Variants in TLN1 observed in about 807,000 individuals in gnomAD.
TLN1 encodes the protein talin-1.
In TLN1, 56 loss-of-function variants were observed where a neutral mutation model predicts 292.3. That is an observed-to-expected ratio of 0.19 (90% CI 0.15 to 0.24). The LOEUF is 0.24. Ranked by LOEUF, TLN1 falls within the 10% of genes least tolerant of loss-of-function variation. The pLI is 1.00. For synonymous variants in TLN1, 1,119 were observed against 1,253.7 expected (o/e 0.89, Z 2.27); for missense variants, 2,433 against 3,248.2 (o/e 0.75, Z 6.10).
rs768710092 is a variant in TLN1 at position 35,706,232 on chromosome 9, C to G, written c.5325G>C (p.Leu1775Phe). The G allele has an allele frequency of 2.7e-5, 43 of 1,610,932 alleles. No homozygotes were observed. Among genetic ancestry groups the G allele is most frequent in the Non-Finnish European group, 3.6e-5 (43 of 1,178,340 alleles). Reference protein sequence around the residue: ...TKTLAESALQLLYTAKEAGGN... With the variant: ...TKTLAESALQFLYTAKEAGGN... ...CACCAGCCTCCTTGGCAGTGTATAGCAACTGCAGGGCAGACTCTGCCAATG... is the reference window on the plus strand; with the variant it reads ...CACCAGCCTCCTTGGCAGTGTATAGGAACTGCAGGGCAGACTCTGCCAATG... Residue 1775 changes from leucine (L) to phenylalanine (F), a missense_variant, in exon 40 of 57, where the codon TTG becomes TTC. Physicochemically the swap from Leu to Phe is conservative, Grantham distance 22. Transcript: ENST00000314888. This position sits in a 1 kb window ranked among gnomAD's most constrained non-coding sequence, Gnocchi z 4.2.
Position 35,711,596 on chromosome 9 carries a change from G to C in TLN1, c.3878C>G (p.Pro1293Arg). The C allele has an allele frequency of 6.2e-7, 1 of 1,613,496 alleles. No individual in the cohort carries two copies. Among genetic ancestry groups the C allele is most frequent in the Non-Finnish European group, 8.5e-7 (1 of 1,180,012 alleles). The change falls in exon 29 of 57, where the codon CCG (proline) becomes CGG (arginine). Residue 1293 changes from proline to arginine, a missense_variant and splice_region_variant. Physicochemically the swap from Pro to Arg is moderately radical, Grantham distance 103 (BLOSUM62 -2). This residue lies in a region of TLN1 where 1,384 missense variants were observed against 1,699.6 expected (regional missense o/e 0.81). Coordinates refer to ENST00000314888, the MANE Select transcript of TLN1 (RefSeq NM_006289.4). ...ACCAGACCCTCTGCCTCTTCATACC[G>C]GAGCCTGGCCTGCCATCTCCACACC... ...EAGVEMAGQA[P>R]SQEDRAQVVS...
intron 34 of TLN1, 148 bp from the exon 35 acceptor site, chr9:35,708,040 G>A: frequency 1.1e-6 from 1 of 950,760 alleles, no homozygotes. Flanking sequence ...TCAAGATCTA[G>A]GAGACAGAGA....
Position 35,699,318 on chromosome 9 carries a change from G to A in TLN1, c.6874+38C>T, listed in dbSNP as rs1207934487. On this transcript the variant is annotated intron_variant, in intron 51 of 56. Coordinates refer to ENST00000314888, the MANE Select transcript of TLN1 (RefSeq NM_006289.4). The surrounding 1 kb of genome is among the most constrained non-coding windows in gnomAD (Gnocchi z 4.0). ...GGAAGCAGAGATCACACCATGATAA[G>A]GGTTTTCCATCCGTCCCTGTCCCTG... 6.3e-7 allele frequency: 1 copy of A among 1,588,906 alleles called. No homozygotes were observed. The highest frequency in any genetic ancestry group is 8.6e-7 in the Non-Finnish European group (1 of 1,166,548).
At position 35,722,908 on chromosome 9, in the gene TLN1, G is replaced by A. The variant is rs1350246902; in HGVS notation, c.796C>T (p.Leu266=). 6.2e-7 allele frequency: 1 copy of A among 1,613,988 alleles called. No individual in the cohort carries two copies. Among genetic ancestry groups the A allele is most frequent in the Non-Finnish European group, 8.5e-7 (1 of 1,179,912 alleles). The stretch of plus-strand genomic sequence containing the variant: ...TTCTGCTTCACATACTCCTTGGGCA[G>A]GAAGTCCTTCAGGCTACACCAGAAA... The part of the protein sequence containing the change: ...KAGFLDLKDF[L]PKEYVKQKGE... Residue 266 remains leucine (L), a synonymous_variant, in exon 8 of 57, where the codon CTG becomes TTG. Coordinates refer to ENST00000314888, the MANE Select transcript of TLN1 (RefSeq NM_006289.4).
At chr9:35,725,987 G>A (rs953027248) in intron 1 of TLN1, among the ~76,000 whole-genome samples, 6 of 151,974 alleles carry the variant, frequency 3.9e-5, no homozygotes, top group East Asian at 3.9e-4. Flanking sequence ...ATCTCAGCTC[G>A]CTGCAAGCTC....
At chr9:35,715,228 T>A in intron 20 of TLN1, 41 bp from the exon 21 acceptor site, 1 of 1,598,716 alleles carries the variant, frequency 6.3e-7, no homozygotes, top group Non-Finnish European at 8.5e-7. Flanking sequence ...CCAGCTCTCC[T>A]GTGGATCCTA....
chr9:35,706,881 G>C lies in TLN1; in HGVS notation c.4975C>G (p.Leu1659Val). The C allele has an allele frequency of 6.2e-7, 1 of 1,614,018 alleles. No homozygotes were observed. The change falls in exon 38 of 57, where the codon CTG becomes GTG. Residue 1659 changes from leucine to valine, a missense_variant. Transcript: ENST00000314888. The surrounding 1 kb of genome is among the most constrained non-coding windows in gnomAD (Gnocchi z 4.2). ...TSMRDKAPGQLECETAIAALN... is the reference protein window; with the variant it reads ...TSMRDKAPGQVECETAIAALN... ...GCTGCAATGGCCGTTTCACACTCCA[G>C]CTGCCCTGGAGCCTTGTCCCTGCAG... is the stretch of plus-strand genomic sequence containing the variant.
chr9:35,712,799 T>G, intron 27 of TLN1, 36 bp downstream of exon 27: 1 of 1,532,706 alleles, frequency 6.5e-7, no homozygotes, highest in Non-Finnish European at 8.8e-7. Context: ...TGAAGGAACC[T>G]GGGGGAGAGG....
intron 33 of TLN1, among the ~76,000 whole-genome samples, chr9:35,709,951 G>A (rs1415194477): frequency 3.0e-5 from 4 of 131,170 alleles, no homozygotes; most frequent in African/African-American, 5.8e-5. Flanking sequence ...GGTGGCTCAC[G>A]CCTGTAATTC....
At position 35,730,264 on chromosome 9, in the gene TLN1, G is replaced by C. The variant is rs373377700; in HGVS notation, c.-34+1811C>G. 2.0e-5 allele frequency among the ~76,000 whole-genome samples: 3 copies of C among 152,116 alleles called. No individual in the cohort carries two copies. In the East Asian group the frequency reaches 5.8e-4, roughly 29 times the overall value. On this transcript the variant is annotated intron_variant, in intron 1 of 56. Transcript: ENST00000314888. Reference sequence around the variant, plus strand: ...TAAAGCTGGAGCTGGGATGGGGGATGGGGTACAGCCAGTGGCTGGGTCAGG... The same window carrying C: ...TAAAGCTGGAGCTGGGATGGGGGATCGGGTACAGCCAGTGGCTGGGTCAGG...
In TLN1 at chr9:35,698,698, C is replaced by T. The variant is rs764794629; in HGVS notation, c.7126-19G>A. ...CACCCACCTGTAGGAAGGAGAAGAG[C>T]CTACTTAGACCTGCATTTTCCTCAC... On this transcript the variant is annotated intron_variant, in intron 53 of 56. Coordinates refer to ENST00000314888, the MANE Select transcript of TLN1 (RefSeq NM_006289.4). This position sits in a 1 kb window ranked among gnomAD's most constrained non-coding sequence, Gnocchi z 5.3. The T allele has an allele frequency of 1.8e-5, 29 of 1,613,966 alleles. No homozygotes were observed. The South Asian group carries it at 3.1e-4, about 17-fold the overall frequency.
chr9:35,707,716 T>G lies in TLN1; in HGVS notation c.4632+15A>C, dbSNP rs1825591393. 6.2e-7 allele frequency: 1 copy of G among 1,613,930 alleles called. No homozygotes were observed. The highest frequency in any genetic ancestry group is 8.5e-7 in the Non-Finnish European group (1 of 1,179,956). On this transcript the variant is annotated intron_variant, in intron 35 of 56. Transcript: ENST00000314888. The surrounding 1 kb of genome is among the most constrained non-coding windows in gnomAD (Gnocchi z 5.6). Reference sequence around the variant, plus strand: ...GACAGGTCAGGGAGAGGCTGGGAATTCAAGCAATGGGAACCTTGATGGTCT... The same window carrying G: ...GACAGGTCAGGGAGAGGCTGGGAATGCAAGCAATGGGAACCTTGATGGTCT...
chr9:35,729,635 G>A (rs538137616), intron 1 of TLN1, among the ~76,000 whole-genome samples: 2 of 152,342 alleles, frequency 1.3e-5, no homozygotes, highest in East Asian at 3.9e-4. Flanking sequence ...GCCGGAGTTG[G>A]AATGGCATTG....
intron 34 of TLN1, 97 bp downstream of exon 34, chr9:35,708,244 C>T: frequency 7.0e-7 from 1 of 1,437,920 alleles, no homozygotes; most frequent in Middle Eastern, 2.6e-4. Context: ...AGAGATGGGT[C>T]CCTGCCCTCT....
Position 35,714,159 on chromosome 9 carries a change from G to A in TLN1, c.3121-78C>T, listed in dbSNP as rs1426139452. Reference sequence around the variant, plus strand: ...TGCCTCTGATTACACAATTATCTGCGTATTGGGTTATTCTGCACAGATTTC... The same window carrying A: ...TGCCTCTGATTACACAATTATCTGCATATTGGGTTATTCTGCACAGATTTC... On this transcript the variant is annotated intron_variant, in intron 24 of 56. Coordinates refer to ENST00000314888, the MANE Select transcript of TLN1 (RefSeq NM_006289.4). The surrounding 1 kb of genome is among the most constrained non-coding windows in gnomAD (Gnocchi z 4.6). The A allele has an allele frequency of 8.7e-6, 14 of 1,602,294 alleles. No individual in the cohort carries two copies. Among genetic ancestry groups the A allele is most frequent in the East Asian group, 4.5e-5 (2 of 44,652 alleles).
At position 35,720,198 on chromosome 9, in the gene TLN1, T is replaced by C; in HGVS notation, c.1305A>G (p.Gln435=). 5.6e-6 allele frequency: 9 copies of C among 1,599,024 alleles called. No individual in the cohort carries two copies. The highest frequency in any genetic ancestry group is 1.1e-5 in the South Asian group (1 of 88,330). The change falls in exon 13 of 57, where the codon CAA becomes CAG. Residue 435 remains glutamine, a synonymous_variant. Transcript: ENST00000314888. ...GCTCCACTTTCCCCACCCGGTTGTATTGCTGCTGCAGGACTGTTGACCTGT... is the reference window on the plus strand; with the variant it reads ...GCTCCACTTTCCCCACCCGGTTGTACTGCTGCTGCAGGACTGTTGACCTGT... ...SPKKSTVLQQ[Q]YNRVGKVEHG...
chr9:35,711,097 A>AG lies in TLN1; in HGVS notation c.4020-16_4020-15insC, dbSNP rs1825659962. The AG allele has an allele frequency of 6.2e-7, 1 of 1,613,944 alleles. No homozygotes were observed. The stretch of plus-strand genomic sequence containing the variant: ...CAGTTACTGCCCTGGGAGTGACAGA[A>AG]AGTTGAGTGAAAAGGTGAATAGGTC... On this transcript the variant is annotated splice_polypyrimidine_tract_variant and intron_variant, in intron 30 of 56. Transcript: ENST00000314888.
intron 28 of TLN1, 84 bp downstream of exon 28, chr9:35,711,921 G>A: frequency 6.3e-7 from 1 of 1,594,134 alleles, no homozygotes; most frequent in African/African-American, 1.3e-5. Context: ...GGGAAGTCAG[G>A]GTCAAAGGAC....
chr9:35,715,999 TTAC>T (rs1825772578), intron 20 of TLN1, among the ~76,000 whole-genome samples: 1 of 152,124 alleles, frequency 6.6e-6, no homozygotes, highest in Admixed American at 6.5e-5. Flanking sequence ...TCTGATCTGA[TTAC>T]TATACATGTA....
Sources: allele counts gnomAD v4.1 joint callset (sites outside exome capture counted in the v4.1 genomes callset), GRCh38; gene constraint gnomAD v4.1.1; regional missense constraint gnomAD v4.1.1; non-coding constraint Gnocchi (gnomAD v3.1); transcripts MANE v1.5; gene names NCBI Gene and HGNC (gene_info 2026-07-23, HGNC 2026-07-21).